The following ADGRG2 variants were observed in gnomAD, a reference collection of about 807,000 sequenced individuals.
The protein encoded by ADGRG2 is adhesion G protein-coupled receptor G2.
A neutral mutation model predicts 74.1 loss-of-function variants in ADGRG2; 26 were observed. The ratio of observed to expected loss-of-function variants is 0.35; its 90% CI spans 0.26 to 0.49. The LOEUF is 0.49. ADGRG2 is among the 20% of genes least tolerant of loss of function. ADGRG2 has a pLI of 0.99. For missense variants in ADGRG2, 619 were observed against 763.1 expected (o/e 0.81, Z 2.22); for synonymous variants, 296 against 295.2 (o/e 1.00, Z -0.03).
intron 3 of ADGRG2, among the ~76,000 whole-genome samples, chrX:19,062,397 C>T (rs2061501968): frequency 8.9e-6 from 1 of 112,019 alleles, no homozygotes. Flanking sequence ...CTCTCCATCA[C>T]TCCCCATCAC....
At chrX:19,091,948 G>T (rs2062023569) in intron 1 of ADGRG2, among the ~76,000 whole-genome samples, 1 of 112,549 alleles carries the variant, frequency 8.9e-6, no homozygotes, top group Admixed American at 9.4e-5. Flanking sequence ...TTGGGAGGAA[G>T]AATTGACGCG....
rs748026875 is a variant in ADGRG2, at chrX:19,105,927, C to CAAA, written c.-47+16512_-47+16514dup. Reference sequence around the variant, plus strand: ...TAAGCGACAGAGCGAGACTCTGTCTCAAAAAAAAAAAAAAAAAAAAAAAGA... The same window carrying CAAA: ...TAAGCGACAGAGCGAGACTCTGTCTCAAAAAAAAAAAAAAAAAAAAAAAAAAGA... On this transcript the variant is annotated intron_variant, in intron 1 of 28. Transcript: ENST00000379869. 9.0e-3 allele frequency among the ~76,000 whole-genome samples: 262 copies of CAAA among 29,102 alleles called. 8 individuals carry two copies. Among genetic ancestry groups the CAAA allele is most frequent in the African/African-American group, 0.015 (117 of 7,755 alleles). 25.3% of individuals were successfully genotyped at this position (29,102 alleles called of 115,157 possible). A position where few individuals can be genotyped will look rare whatever the true frequency, so the allele number is the denominator to read the frequency against.
At chrX:19,021,254 T>A in intron 13 of ADGRG2, 56 bp from the exon 14 acceptor site, 1 of 640,343 alleles carries the variant, frequency 1.6e-6, no homozygotes. Flanking sequence ...CCTACTTACA[T>A]ATTTGTAATT....
intron 3 of ADGRG2, among the ~76,000 whole-genome samples, chrX:19,043,514 C>A (rs944025667): frequency 1.8e-5 from 2 of 112,049 alleles, no homozygotes; most frequent in Non-Finnish European, 3.8e-5. Context: ...CTACAAAGAG[C>A]CAATTTTCAA....
At chrX:19,015,579 C>T (rs780538712) in intron 15 of ADGRG2, among the ~76,000 whole-genome samples, 6 of 112,303 alleles carry the variant, frequency 5.3e-5, no homozygotes, top group East Asian at 2.8e-4. Flanking sequence ...ATTAGCCAGG[C>T]GTGGTGGCGG....
intron 3 of ADGRG2, among the ~76,000 whole-genome samples, chrX:19,067,244 G>T (rs1337111898): frequency 8.9e-6 from 1 of 112,237 alleles, no homozygotes; most frequent in Non-Finnish European, 1.9e-5. Flanking sequence ...CCACACTGTG[G>T]AGTGTACTTT....
At chrX:19,114,303 T>C (rs770777476) in intron 1 of ADGRG2, among the ~76,000 whole-genome samples, 436 of 109,466 alleles carry the variant, frequency 4.0e-3, no homozygotes, top group Non-Finnish European at 6.4e-3. Flanking sequence ...GCAACTGATC[T>C]AGGAGGGGCA....
chrX:19,024,570 C>T (rs1300504758), intron 11 of ADGRG2, among the ~76,000 whole-genome samples: 1 of 112,297 alleles, frequency 8.9e-6, no homozygotes, highest in Non-Finnish European at 1.9e-5. Flanking sequence ...AGTCTGCCCT[C>T]CAGGGGATAT....
intron 13 of ADGRG2, among the ~76,000 whole-genome samples, chrX:19,022,582 A>G (rs757504698): frequency 1.1e-3 from 121 of 112,216 alleles, no homozygotes; most frequent in Middle Eastern, 4.6e-3. Context: ...CACAGCCAGG[A>G]TAGCCAATGG....
intron 1 of ADGRG2, among the ~76,000 whole-genome samples, chrX:19,108,903 TA>T (rs1455312792): frequency 9.0e-6 from 1 of 111,307 alleles, no homozygotes; most frequent in African/African-American, 3.3e-5. Flanking sequence ...AAGTTTAATT[TA>T]AAAAATATAT....
In ADGRG2 at chrX:19,043,580, G is replaced by A. The variant is rs149846365; in HGVS notation, c.119-3356C>T. 8.2e-3 allele frequency among the ~76,000 whole-genome samples: 919 copies of A among 111,503 alleles called. 12 individuals carry two copies. Among genetic ancestry groups the A allele is most frequent in the African/African-American group, 0.028 (866 of 30,664 alleles). On this transcript the variant is annotated intron_variant, in intron 3 of 28. Transcript: ENST00000379869. ...AGTCAATAAATAAAATTATGGTGCCGTGTCTATAAAATTTACTCAGTATGA... is the reference window on the plus strand; with the variant it reads ...AGTCAATAAATAAAATTATGGTGCCATGTCTATAAAATTTACTCAGTATGA...
Position 18,999,943 on chromosome X carries a change from C to T in ADGRG2, c.2248G>A (p.Val750Met). The stretch of plus-strand genomic sequence containing the variant: ...GGGGATATAGTCAGGATGATGGTCA[C>T]AACCACAGCTGGTACCCCTGGAAGA... ...IVGWGVPAVV[V>M]TIILTISPDN... Residue 750 changes from valine to methionine, a missense_variant, in exon 25 of 29, where the codon GTG (valine) becomes ATG (methionine). Val to Met is a conservative substitution (Grantham distance 21, BLOSUM62 1). Transcript: ENST00000379869. 1 of 1,148,050 alleles carries T rather than the reference C, an allele frequency of 8.7e-7. No individual in the cohort carries two copies. The highest frequency in any genetic ancestry group is 1.8e-5 in the South Asian group (1 of 55,291). 94.6% of individuals were successfully genotyped at this position (1,148,050 alleles called of 1,213,427 possible).
chrX:18,991,620 A>T (rs767358986), intron 28 of ADGRG2, among the ~76,000 whole-genome samples: 1 of 112,120 alleles, frequency 8.9e-6, no homozygotes, highest in Non-Finnish European at 1.9e-5. Context: ...ACAAATTCCC[A>T]AGAGGAAACT....
At chrX:19,065,617 A>AT (rs111921161) in intron 3 of ADGRG2, among the ~76,000 whole-genome samples, 3 of 111,830 alleles carry the variant, frequency 2.7e-5, no homozygotes, top group African/African-American at 6.5e-5. Context: ...ATTTGGATGA[A>AT]TTTTTTCCCT....
rs2060726739 is a variant in ADGRG2 at position 19,027,331 on chromosome X, C to G, written c.415-57G>C. On this transcript the variant is annotated intron_variant, in intron 10 of 28. Transcript: ENST00000379869. The stretch of plus-strand genomic sequence containing the variant: ...ACAAACATTGTTTTGTTTTTTCACT[C>G]TCTAACAGTAAGTTGTTCTTCAGTT... 1.6e-5 allele frequency: 12 copies of G among 728,051 alleles called. No individual in the cohort carries two copies. The South Asian group carries it at 2.4e-4, about 15-fold the overall frequency. 60.0% of individuals were successfully genotyped at this position (728,051 alleles called of 1,213,427 possible). A position where few individuals can be genotyped will look rare whatever the true frequency, so the allele number is the denominator to read the frequency against.
At chrX:19,021,355 G>A (rs1464947391) in intron 13 of ADGRG2, 157 bp from the exon 14 acceptor site, 2 of 500,596 alleles carry the variant, frequency 4.0e-6, no homozygotes, top group East Asian at 3.8e-5. Flanking sequence ...CATTTACCAC[G>A]GTCTGAATTT....
At chrX:19,012,833 G>A (rs111370014) in intron 16 of ADGRG2, among the ~76,000 whole-genome samples, 1,350 of 110,241 alleles carry the variant, frequency 0.012, 7 homozygotes, top group African/African-American at 0.02. Context: ...AATTCTAGAG[G>A]AAGACCTGCC....
At chrX:19,090,929 T>C (rs1362628349) in intron 1 of ADGRG2, among the ~76,000 whole-genome samples, 1 of 111,359 alleles carries the variant, frequency 9.0e-6, no homozygotes, top group Non-Finnish European at 1.9e-5. Context: ...ACAGGAGCTC[T>C]GGGTGAAGAC....
At chrX:19,074,801 C>T (rs1344490995) in intron 2 of ADGRG2, among the ~76,000 whole-genome samples, 3 of 107,195 alleles carry the variant, frequency 2.8e-5, no homozygotes, top group Non-Finnish European at 5.8e-5. Flanking sequence ...GAACTCCTGA[C>T]CTCAGTTGAT....
Sources: gnomAD v4.1 joint callset for allele counts (sites outside exome capture counted in the v4.1 genomes callset) on GRCh38, gnomAD v4.1.1 for gene constraint, MANE v1.5 for transcripts, NCBI Gene and HGNC (gene_info 2026-07-23, HGNC 2026-07-21) for gene names.